The following AFDN variants were observed in gnomAD, a reference collection of about 807,000 sequenced individuals.
AFDN encodes afadin, adherens junction formation factor, also known as afadin.
A neutral mutation model predicts 216.6 loss-of-function variants in AFDN; 68 were observed. That is an observed-to-expected ratio of 0.31 (90% CI 0.26 to 0.38). The LOEUF is 0.38. AFDN is among the 10% of genes least tolerant of loss of function. The probability of loss-of-function intolerance (pLI) is 1.00; values close to 1 mark genes in which losing one functional copy is unlikely to be tolerated. For synonymous variants in AFDN, 868 were observed against 853.7 expected, an observed-to-expected ratio of 1.02 and a Z score of -0.29; for missense variants, 2,136 against 2,342.0, an observed-to-expected ratio of 0.91 and a Z score of 1.82.
chr6:167,922,626 A>AG (rs1791977629), intron 21 of AFDN, among the ~76,000 whole-genome samples: 1 of 151,906 alleles, frequency 6.6e-6, no homozygotes, highest in South Asian at 2.1e-4. Flanking sequence ...TGGAACACAG[A>AG]GGAGTGGGAG....
chr6:167,933,882 G>A (rs1279229217), intron 23 of AFDN, among the ~76,000 whole-genome samples: 1 of 152,174 alleles, frequency 6.6e-6, no homozygotes, highest in Non-Finnish European at 1.5e-5. Flanking sequence ...AATATTGGCT[G>A]TGGGGTAGCC....
chr6:167,900,967 CTT>C (rs1400365412), intron 11 of AFDN, among the ~76,000 whole-genome samples: 1 of 152,124 alleles, frequency 6.6e-6, no homozygotes, highest in East Asian at 1.9e-4. Context: ...TTAGTAAAAA[CTT>C]TTACTCTTTC....
rs144582807 is a variant in AFDN at position 167,857,214 on chromosome 6, G to T, written c.106-7337G>T. 1.2e-3 allele frequency among the ~76,000 whole-genome samples: 168 copies of T among 145,380 alleles called. 2 individuals are homozygous for T. The highest frequency in any genetic ancestry group is 4.1e-3 in the African/African-American group (167 of 40,460). On this transcript the variant is annotated intron_variant, in intron 1 of 33. Transcript: ENST00000683244. The stretch of plus-strand genomic sequence containing the variant: ...TGTCATTTCCTGTGAAAGAGAGAGC[G>T]AGAGATAGGATGGGGGTGGGGATAG...
Position 167,951,366 on chromosome 6 carries a change from C to G in AFDN, c.4012C>G (p.Pro1338Ala). ...GAACCATTCCTCTAAGTCGGTCACC[C>G]CTGCTTCCACACTGACCAAAAGTGG... The part of the protein sequence containing the change: ...HLNHSSKSVT[P>A]ASTLTKSGPG... The change falls in exon 30 of 34, where the codon CCT becomes GCT. Residue 1338 changes from proline (P) to alanine (A), a missense_variant. By Grantham distance (27) the Pro-to-Ala change is conservative (BLOSUM62 -1). Coordinates refer to ENST00000683244, the MANE Select transcript of AFDN (RefSeq NM_001386888.1). This position sits in a 1 kb window ranked among gnomAD's most constrained non-coding sequence, Gnocchi z 7.1. The G allele has an allele frequency of 6.2e-7, 1 of 1,614,174 alleles. No individual in the cohort carries two copies. The highest frequency in any genetic ancestry group is 2.2e-5 in the East Asian group (1 of 44,866).
intron 1 of AFDN, among the ~76,000 whole-genome samples, chr6:167,835,105 T>G (rs1226858826): frequency 6.6e-6 from 1 of 152,260 alleles, no homozygotes; most frequent in Non-Finnish European, 1.5e-5. Context: ...GCAGATCTAC[T>G]AAATGTTGAT....
intron 23 of AFDN, among the ~76,000 whole-genome samples, chr6:167,930,669 G>C (rs1370903055): frequency 6.6e-6 from 1 of 152,174 alleles, no homozygotes; most frequent in Non-Finnish European, 1.5e-5. Context: ...GAGATTTTCT[G>C]CTTTGCAGGC....
At chr6:167,852,566 G>A (rs966879302) in intron 1 of AFDN, among the ~76,000 whole-genome samples, 33 of 152,198 alleles carry the variant, frequency 2.2e-4, no homozygotes, top group Non-Finnish European at 2.2e-4. Flanking sequence ...TGTTTCATTC[G>A]GAGATCTTTG....
At position 167,951,082 on chromosome 6, in the gene AFDN, C is replaced by T. The variant is rs1281488707; in HGVS notation, c.3832-104C>T. 1 of 1,421,940 alleles carries T rather than the reference C, an allele frequency of 7.0e-7. No homozygotes were observed. The highest frequency in any genetic ancestry group is 9.2e-7 in the Non-Finnish European group (1 of 1,084,594). 88.1% of individuals were successfully genotyped at this position (1,421,940 alleles called of 1,614,324 possible). The stretch of plus-strand genomic sequence containing the variant: ...AGGGCAGTCTCAGTCTCTTTCTGTA[C>T]ACTGATTTAACAGTTTTTCTTCTGT... On this transcript the variant is annotated intron_variant, in intron 29 of 33. Transcript: ENST00000683244. The surrounding 1 kb of genome is among the most constrained non-coding windows in gnomAD (Gnocchi z 7.1).
At chr6:167,846,890 C>T (rs925893954) in intron 1 of AFDN, among the ~76,000 whole-genome samples, 13 of 151,422 alleles carry the variant, frequency 8.6e-5, no homozygotes, top group Admixed American at 3.3e-4. Context: ...ACTGAATCTG[C>T]GTTAAGACAT....
chr6:167,922,952 C>T lies in AFDN; in HGVS notation c.3005C>T (p.Thr1002Ile). 6.2e-7 allele frequency: 1 copy of T among 1,607,550 alleles called. No homozygotes were observed. The highest frequency in any genetic ancestry group is 1.7e-5 in the Admixed American group (1 of 59,816). ...GAAAGTCACCTTCTGCGTGAGAACA[C>T]AGAGCTGGCAAGTATTTTGAGGGTA... Reference protein sequence around the residue: ...DYESHLLRENTELAQPLRKEP... With the variant: ...DYESHLLRENIELAQPLRKEP... The change falls in exon 22 of 34, where the codon ACA becomes ATA. Residue 1002 changes from threonine to isoleucine, a missense_variant. Physicochemically the swap from Thr to Ile is moderately conservative, Grantham distance 89. Coordinates refer to ENST00000683244, the MANE Select transcript of AFDN (RefSeq NM_001386888.1).
intron 33 of AFDN, among the ~76,000 whole-genome samples, chr6:167,969,437 T>C (rs892620815): frequency 1.3e-5 from 2 of 152,202 alleles, no homozygotes; most frequent in Admixed American, 1.3e-4. Context: ...TATAGATGCC[T>C]CTCAGGTACA....
At chr6:167,882,091 G>A (rs2128301416) in intron 6 of AFDN, among the ~76,000 whole-genome samples, 1 of 152,210 alleles carries the variant, frequency 6.6e-6, no homozygotes, top group East Asian at 1.9e-4. Context: ...GGGAGAAACT[G>A]GAGAGAACAG....
intron 29 of AFDN, among the ~76,000 whole-genome samples, chr6:167,950,163 A>G (rs1795802643): frequency 6.6e-6 from 1 of 152,214 alleles, no homozygotes; most frequent in Non-Finnish European, 1.5e-5. Flanking sequence ...CTGTGAGACT[A>G]CTGCTTTTTG....
Position 167,951,473 on chromosome 6 carries a change from G to T in AFDN, c.4119G>T (p.Pro1373=). 2 of 1,613,700 alleles carry T rather than the reference G, an allele frequency of 1.2e-6. No individual in the cohort carries two copies. Among genetic ancestry groups the T allele is most frequent in the Non-Finnish European group, 1.7e-6 (2 of 1,179,878 alleles). ...AGCCAATCCGAACAGACCTGCCTCC[G>T]CCACCCCCGCCACCTCCAGTCCACT... ...VSQPIRTDLP[P]PPPPPPVHYA... The change falls in exon 30 of 34, where the codon CCG becomes CCT. Residue 1373 remains proline, a synonymous_variant. Transcript: ENST00000683244. This position sits in a 1 kb window ranked among gnomAD's most constrained non-coding sequence, Gnocchi z 7.1.
At chr6:167,913,720 C>G in intron 16 of AFDN, 1 of 474,284 alleles carries the variant, frequency 2.1e-6, no homozygotes, top group Non-Finnish European at 3.7e-6. Flanking sequence ...CTGGCCTGCA[C>G]ATGTGGTCGG....
At chr6:167,875,519 G>T in intron 5 of AFDN, 24 bp downstream of exon 5, 2 of 1,609,342 alleles carry the variant, frequency 1.2e-6, no homozygotes, top group Non-Finnish European at 1.7e-6. Flanking sequence ...TTTTTTCTCT[G>T]TTCTACCTGT....
intron 5 of AFDN, among the ~76,000 whole-genome samples, chr6:167,878,246 A>C (rs1266962712): frequency 6.6e-6 from 1 of 152,182 alleles, no homozygotes; most frequent in Non-Finnish European, 1.5e-5. Flanking sequence ...CAAGAGCCAC[A>C]GTTTCTTCAT....
chr6:167,897,594 A>T (rs1788421298), intron 10 of AFDN, among the ~76,000 whole-genome samples: 1 of 142,884 alleles, frequency 7.0e-6, no homozygotes, highest in South Asian at 2.3e-4. Context: ...ATCTGTTTAG[A>T]TTTGTCCATT....
chr6:167,913,583 A>G (rs991434577), intron 16 of AFDN, 160 bp downstream of exon 16: 19 of 610,764 alleles, frequency 3.1e-5, no homozygotes, highest in African/African-American at 1.7e-4. Flanking sequence ...TGACTGTGCA[A>G]CCTTTATCGG....
Sources: allele counts gnomAD v4.1 joint callset (sites outside exome capture counted in the v4.1 genomes callset), GRCh38; gene constraint gnomAD v4.1.1; non-coding constraint Gnocchi (gnomAD v3.1); transcripts MANE v1.5; gene names NCBI Gene and HGNC (gene_info 2026-07-23, HGNC 2026-07-21).